The following PLPP1 variants were observed in gnomAD, a reference collection of about 807,000 sequenced individuals.
PLPP1 encodes phospholipid phosphatase 1, also known as lipid phosphate phosphohydrolase 1a.
PLPP1 carries 24 observed loss-of-function variants against 31.2 expected under a neutral mutation model. The ratio of observed to expected loss-of-function variants is 0.77; its 90% CI spans 0.56 to 1.08. The LOEUF (loss-of-function observed/expected upper bound fraction) is 1.08, where lower values mean the gene tolerates loss of function less well. Ranked by LOEUF, PLPP1 falls within the 50% of genes least tolerant of loss-of-function variation. The pLI is 0.00. For missense variants in PLPP1, 319 were observed against 342.7 expected (o/e 0.93, Z 0.55); for synonymous variants, 146 against 126.3 (o/e 1.16, Z -1.05).
intron 2 of PLPP1, among the ~76,000 whole-genome samples, chr5:55,471,240 C>A (rs886634973): frequency 1.4e-5 from 2 of 145,902 alleles, no homozygotes; most frequent in Admixed American, 7.0e-5. Context: ...CTTGCTCTGT[C>A]GCCCAGGCTA....
At chr5:55,520,386 T>G (rs888163093) in intron 1 of PLPP1, among the ~76,000 whole-genome samples, 3 of 152,228 alleles carry the variant, frequency 2.0e-5, no homozygotes, top group Admixed American at 6.5e-5. Flanking sequence ...CACCAACACA[T>G]GAAATCACAT....
intron 1 of PLPP1, among the ~76,000 whole-genome samples, chr5:55,512,196 C>T (rs937479802): frequency 3.3e-5 from 5 of 151,860 alleles, no homozygotes; most frequent in South Asian, 4.2e-4. Flanking sequence ...GCTGGTCAGG[C>T]GATGCAGCTC....
intron 3 of PLPP1, among the ~76,000 whole-genome samples, chr5:55,457,017 G>A (rs1465173891): frequency 3.9e-5 from 6 of 151,920 alleles, no homozygotes; most frequent in East Asian, 3.9e-4. Context: ...AAAATTACCC[G>A]GGGAGGGTGG....
chr5:55,464,141 G>A (rs899195857), intron 3 of PLPP1, among the ~76,000 whole-genome samples: 1 of 151,138 alleles, frequency 6.6e-6, no homozygotes, highest in African/African-American at 2.4e-5. Context: ...ATACACACAT[G>A]CTATATATAG....
intron 1 of PLPP1, among the ~76,000 whole-genome samples, chr5:55,486,224 A>G (rs1752771687): frequency 6.6e-6 from 1 of 152,150 alleles, no homozygotes; most frequent in African/African-American, 2.4e-5. Flanking sequence ...TTCCACTGAC[A>G]GCTTTCTAGT....
intron 3 of PLPP1, among the ~76,000 whole-genome samples, chr5:55,462,748 C>T (rs1241694196): frequency 3.9e-5 from 6 of 151,918 alleles, no homozygotes; most frequent in East Asian, 1.9e-4. Flanking sequence ...CCAAGGTGGG[C>T]GGATCACGAG....
At chr5:55,511,950 G>A (rs1430173419) in intron 1 of PLPP1, among the ~76,000 whole-genome samples, 2 of 151,222 alleles carry the variant, frequency 1.3e-5, no homozygotes, top group South Asian at 2.1e-4. Context: ...ATTACAGGCT[G>A]AGCCACTCTA....
chr5:55,468,156 AAG>A lies in PLPP1; in HGVS notation c.211-9_211-8del. ...GGGTTTCTCCAAGAATAATCTGAAA[AAG>A]AAACAGAAAAATAACATGTTAAAGT... On this transcript the variant is annotated splice_polypyrimidine_tract_variant and splice_region_variant and intron_variant, in intron 2 of 5. Coordinates refer to ENST00000307259, the MANE Select transcript of PLPP1 (RefSeq NM_003711.4). 6.4e-7 allele frequency: 1 copy of A among 1,560,272 alleles called. No individual in the cohort carries two copies. The highest frequency in any genetic ancestry group is 1.2e-5 in the South Asian group (1 of 83,632).
intron 4 of PLPP1, among the ~76,000 whole-genome samples, chr5:55,429,470 A>G (rs1751291094): frequency 6.6e-6 from 1 of 152,094 alleles, no homozygotes. Flanking sequence ...GAGAAGGGTA[A>G]GTGACCCCCA....
intron 3 of PLPP1, among the ~76,000 whole-genome samples, chr5:55,465,039 C>A (rs1470478444): frequency 8.8e-5 from 9 of 102,548 alleles, no homozygotes; most frequent in Admixed American, 2.9e-4. Context: ...TTATGTGGGG[C>A]GGAGGTGGTT....
Position 55,460,859 on chromosome 5 carries a change from A to AAATG in PLPP1, c.491+7006_491+7009dup, listed in dbSNP as rs571139524. ...AGACTCCATCTCTAATTAATTAAAT[A>AAATG]AATGAATGAATGAATATAAATATTT... On this transcript the variant is annotated intron_variant, in intron 3 of 5. Transcript: ENST00000307259. Among the ~76,000 whole-genome samples, 17 of 152,274 alleles carry AAATG rather than the reference A, an allele frequency of 1.1e-4. No individual in the cohort carries two copies. In the South Asian group the frequency reaches 2.7e-3, roughly 24 times the overall value.
intron 2 of PLPP1, 145 bp from the exon 3 acceptor site, chr5:55,468,294 G>T: frequency 1.4e-6 from 1 of 698,118 alleles, no homozygotes; most frequent in Non-Finnish European, 2.3e-6. Flanking sequence ...TCTTTACAAT[G>T]GAGAGTCAAC....
chr5:55,474,071 A>G (rs1225380975), intron 2 of PLPP1, among the ~76,000 whole-genome samples: 2 of 148,988 alleles, frequency 1.3e-5, no homozygotes, highest in African/African-American at 4.9e-5. Context: ...ATCTCGGCTC[A>G]CTGCAACCTC....
chr5:55,463,402 G>C lies in PLPP1; in HGVS notation c.491+4467C>G, dbSNP rs111818259. Among the ~76,000 whole-genome samples, 822 of 152,102 alleles carry C rather than the reference G, an allele frequency of 5.4e-3. 4 individuals are homozygous for C. The highest frequency in any genetic ancestry group is 0.019 in the African/African-American group (792 of 41,494). On this transcript the variant is annotated intron_variant, in intron 3 of 5. Coordinates refer to ENST00000307259, the MANE Select transcript of PLPP1 (RefSeq NM_003711.4). ...TTGGGCCAGGAGCGGTGGCTCACGC[G>C]TGTAACCCTAGCACTTTGGGAGGCT...
At chr5:55,459,845 A>G (rs1218161771) in intron 3 of PLPP1, among the ~76,000 whole-genome samples, 1 of 151,858 alleles carries the variant, frequency 6.6e-6, no homozygotes, top group African/African-American at 2.4e-5. Flanking sequence ...GACAAGACCA[A>G]CCTCTCCTCT....
intron 3 of PLPP1, among the ~76,000 whole-genome samples, chr5:55,446,279 A>T (rs1165650677): frequency 6.6e-6 from 1 of 152,038 alleles, no homozygotes; most frequent in Non-Finnish European, 1.5e-5. Context: ...TCTATTTTTC[A>T]TCTAGGTCTC....
chr5:55,493,069 T>C (rs1458564580), intron 1 of PLPP1, among the ~76,000 whole-genome samples: 2 of 152,078 alleles, frequency 1.3e-5, no homozygotes, highest in African/African-American at 4.8e-5. Flanking sequence ...ACCCAACACG[T>C]TGAAAGGCTG....
rs11414425 is a variant in PLPP1 at position 55,448,449 on chromosome 5, C to CTTTT, written c.492-6545_492-6542dup. On this transcript the variant is annotated intron_variant, in intron 3 of 5. Coordinates refer to ENST00000307259, the MANE Select transcript of PLPP1 (RefSeq NM_003711.4). Reference sequence around the variant, plus strand: ...AAGGACCCAAGGAAGATTCTAGCACCTTTTTTTTTTTTTTTTTTGACAGAG... The same window carrying CTTTT: ...AAGGACCCAAGGAAGATTCTAGCACCTTTTTTTTTTTTTTTTTTTTTTGACAGAG... 8.7e-4 allele frequency among the ~76,000 whole-genome samples: 112 copies of CTTTT among 128,192 alleles called. 4 individuals are homozygous for CTTTT. The highest frequency in any genetic ancestry group is 4.0e-3 in the Middle Eastern group (1 of 250). The allele number at this position is 128,192 out of a possible 152,430, so 84.1% of individuals were successfully genotyped here.
chr5:55,501,671 A>C (rs1194952419), intron 1 of PLPP1, among the ~76,000 whole-genome samples: 1 of 152,014 alleles, frequency 6.6e-6, no homozygotes, highest in Non-Finnish European at 1.5e-5. Context: ...AACCTGGCTA[A>C]TTTTGTATTT....
Sources: gnomAD v4.1 joint callset for allele counts (sites outside exome capture counted in the v4.1 genomes callset) on GRCh38, gnomAD v4.1.1 for gene constraint, MANE v1.5 for transcripts, NCBI Gene and HGNC (gene_info 2026-07-23, HGNC 2026-07-21) for gene names.